Variants in SAP30 observed in about 807,000 individuals in gnomAD.
SAP30 encodes Sin3A associated protein 30.
SAP30 carries 13 observed loss-of-function variants against 19.6 expected under a neutral mutation model. That is an observed-to-expected ratio of 0.66 (90% CI 0.43 to 1.05). SAP30 has a LOEUF of 1.05. SAP30 is among the 50% of genes least tolerant of loss of function. SAP30 has a pLI of 0.00. For missense variants in SAP30, 257 were observed against 292.1 expected, an observed-to-expected ratio of 0.88 and a Z score of 0.88; for synonymous variants, 108 against 122.7, an observed-to-expected ratio of 0.88 and a Z score of 0.79.
At chr4:173,372,924 A>G (rs916987064) in intron 1 of SAP30, among the ~76,000 whole-genome samples, 2 of 152,206 alleles carry the variant, frequency 1.3e-5, no homozygotes, top group Non-Finnish European at 2.9e-5. Flanking sequence ...CTGGGATTAC[A>G]GGCTACTGCC....
In SAP30 at chr4:173,371,621, G is replaced by C; in HGVS notation, c.315+124G>C. On this transcript the variant is annotated intron_variant, in intron 1 of 3. Coordinates refer to ENST00000296504, the MANE Select transcript of SAP30 (RefSeq NM_003864.4). The surrounding 1 kb of genome is among the most constrained non-coding windows in gnomAD (Gnocchi z 6.4). ...GCACTGGCTGCAGTGCGGTCTCGTG[G>C]AGTCTGTGTTTGGAAGCAAATAACA... 6.9e-7 allele frequency: 1 copy of C among 1,441,680 alleles called. No individual in the cohort carries two copies. The highest frequency in any genetic ancestry group is 9.1e-7 in the Non-Finnish European group (1 of 1,094,608). The allele number at this position is 1,441,680 out of a possible 1,614,324, so 89.3% of individuals were successfully genotyped here.
chr4:173,373,959 A>C lies in SAP30; in HGVS notation c.462A>C (p.Gln154His). The C allele has an allele frequency of 6.3e-7, 1 of 1,575,784 alleles. No homozygotes were observed. The highest frequency in any genetic ancestry group is 8.6e-7 in the Non-Finnish European group (1 of 1,158,410). The change falls in exon 3 of 4, where the codon CAA becomes CAC. Residue 154 changes from glutamine to histidine, a missense_variant. By Grantham distance (24) the Gln-to-His change is conservative. Transcript: ENST00000296504. ...DTPEVDLYQL[Q>H]VNTLRRYKRH... ...TCTAGGTTGATTTATACCAATTACA[A>C]GTAAATACACTTAGGAGATACAAAA...
chr4:173,371,513 G>T lies in SAP30; in HGVS notation c.315+16G>T. 1 of 1,578,740 alleles carries T rather than the reference G, an allele frequency of 6.3e-7. No individual in the cohort carries two copies. Among genetic ancestry groups the T allele is most frequent in the South Asian group, 1.1e-5 (1 of 90,718 alleles). ...GGATAAGAGCGTAAGTAAACCGCGG[G>T]ACCGCCCTGCCCTCCCGCCCCTCGG... On this transcript the variant is annotated intron_variant, in intron 1 of 3. Coordinates refer to ENST00000296504, the MANE Select transcript of SAP30 (RefSeq NM_003864.4). The surrounding 1 kb of genome is among the most constrained non-coding windows in gnomAD (Gnocchi z 6.4).
chr4:173,372,546 A>C (rs1238558202), intron 1 of SAP30, among the ~76,000 whole-genome samples: 1 of 152,218 alleles, frequency 6.6e-6, no homozygotes, highest in Non-Finnish European at 1.5e-5. Flanking sequence ...GTATAACTGA[A>C]ATTTAAATAT....
In SAP30 at chr4:173,371,147, G is replaced by A; in HGVS notation, c.-36G>A. ...GAGGCGGAGCGGCCAGGAGAGAGGG[G>A]ATTTCTGTCAGCGCCGGCCTCGGGA... On this transcript the variant is annotated 5_prime_UTR_variant, in exon 1 of 4. Transcript: ENST00000296504. The surrounding 1 kb of genome is among the most constrained non-coding windows in gnomAD (Gnocchi z 6.4). 4.2e-6 allele frequency: 6 copies of A among 1,442,602 alleles called. No individual in the cohort carries two copies. Among genetic ancestry groups the A allele is most frequent in the South Asian group, 1.2e-5 (1 of 81,828 alleles). The allele number at this position is 1,442,602 out of a possible 1,614,324, so 89.4% of individuals were successfully genotyped here. A position where few individuals can be genotyped will look rare whatever the true frequency, so the allele number is the denominator to read the frequency against.
At position 173,371,850 on chromosome 4, in the gene SAP30, G is replaced by A. The variant is rs574636772; in HGVS notation, c.315+353G>A. ...GCCCAGAGTAGTTTTCTTGCAGCCCGGCAGCTCTTCTGGAATGGAGGCGCC... is the reference window on the plus strand; with the variant it reads ...GCCCAGAGTAGTTTTCTTGCAGCCCAGCAGCTCTTCTGGAATGGAGGCGCC... On this transcript the variant is annotated intron_variant, in intron 1 of 3. Coordinates refer to ENST00000296504, the MANE Select transcript of SAP30 (RefSeq NM_003864.4). The surrounding 1 kb of genome is among the most constrained non-coding windows in gnomAD (Gnocchi z 6.4). 1.3e-5 allele frequency among the ~76,000 whole-genome samples: 2 copies of A among 152,314 alleles called. No individual in the cohort carries two copies. The highest frequency in any genetic ancestry group is 3.9e-4 in the East Asian group (2 of 5,180).
At chr4:173,374,078 C>A in intron 3 of SAP30, 41 bp downstream of exon 3, 2 of 1,098,632 alleles carry the variant, frequency 1.8e-6, no homozygotes, top group Non-Finnish European at 2.7e-6. Context: ...TCTGCACAAC[C>A]GAGAGGTTAT....
rs1363508188 is a variant in SAP30 at position 173,371,182 on chromosome 4, C to T, written c.-1C>T. 5 of 1,492,750 alleles carry T rather than the reference C, an allele frequency of 3.3e-6. No homozygotes were observed. The highest frequency in any genetic ancestry group is 3.5e-6 in the Non-Finnish European group (4 of 1,127,196). The allele number at this position is 1,492,750 out of a possible 1,614,324, so 92.5% of individuals were successfully genotyped here. A position where few individuals can be genotyped will look rare whatever the true frequency, so the allele number is the denominator to read the frequency against. ...AGCGCCGGCCTCGGGAGCTCGGAGA[C>T]ATGAACGGCTTCACGCCTGACGAGA... On this transcript the variant is annotated 5_prime_UTR_variant, in exon 1 of 4. Coordinates refer to ENST00000296504, the MANE Select transcript of SAP30 (RefSeq NM_003864.4). This position sits in a 1 kb window ranked among gnomAD's most constrained non-coding sequence, Gnocchi z 6.4.
At chr4:173,374,128 T>C in intron 3 of SAP30, 91 bp downstream of exon 3, 3 of 592,200 alleles carry the variant, frequency 5.1e-6, no homozygotes, top group East Asian at 6.1e-5. Context: ...TATGTAACAG[T>C]ACATTTTAAT....
intron 1 of SAP30, 130 bp from the exon 2 acceptor site, chr4:173,373,260 C>A (rs2126905007): frequency 6.0e-6 from 4 of 665,556 alleles, no homozygotes; most frequent in African/African-American, 3.7e-5. Context: ...TATAAATATT[C>A]CATTATCTTA....
chr4:173,373,271 A>G (rs1738979706), intron 1 of SAP30, 119 bp from the exon 2 acceptor site: 1 of 805,036 alleles, frequency 1.2e-6, no homozygotes, highest in African/African-American at 1.8e-5. Flanking sequence ...CATTATCTTA[A>G]CAATGGCCCA....
chr4:173,372,499 TTATAGA>T (rs1738959191), intron 1 of SAP30, among the ~76,000 whole-genome samples: 1 of 152,212 alleles, frequency 6.6e-6, no homozygotes, highest in Non-Finnish European at 1.5e-5. Flanking sequence ...GAAAAATGTG[TTATAGA>T]TAAATACATT....
In SAP30 at chr4:173,371,562, G is replaced by T; in HGVS notation, c.315+65G>T. Reference sequence around the variant, plus strand: ...GGTGGGGCCCCAGGAGCCGGGCAAAGGCACGGGTTGTCGGCGGGGTCCCCC... The same window carrying T: ...GGTGGGGCCCCAGGAGCCGGGCAAATGCACGGGTTGTCGGCGGGGTCCCCC... On this transcript the variant is annotated intron_variant, in intron 1 of 3. Transcript: ENST00000296504. The surrounding 1 kb of genome is among the most constrained non-coding windows in gnomAD (Gnocchi z 6.4). The T allele has an allele frequency of 6.5e-7, 1 of 1,539,456 alleles. No individual in the cohort carries two copies. The highest frequency in any genetic ancestry group is 8.7e-7 in the Non-Finnish European group (1 of 1,144,454).
rs1355339518 is a variant in SAP30 at position 173,371,117 on chromosome 4, G to T, written c.-66G>T. The T allele has an allele frequency of 1.4e-5, 19 of 1,387,718 alleles. No homozygotes were observed. The highest frequency in any genetic ancestry group is 9.4e-7 in the Non-Finnish European group (1 of 1,068,860). 86.0% of individuals were successfully genotyped at this position (1,387,718 alleles called of 1,614,324 possible). ...CAGAGTGAATTGCCGCTGCCGGAGCGGAGAGAGGCGGAGCGGCCAGGAGAG... is the reference window on the plus strand; with the variant it reads ...CAGAGTGAATTGCCGCTGCCGGAGCTGAGAGAGGCGGAGCGGCCAGGAGAG... On this transcript the variant is annotated 5_prime_UTR_variant, in exon 1 of 4. Transcript: ENST00000296504. This position sits in a 1 kb window ranked among gnomAD's most constrained non-coding sequence, Gnocchi z 6.4.
chr4:173,371,020 T>G lies in SAP30; in HGVS notation c.-163T>G. The stretch of plus-strand genomic sequence containing the variant: ...TCCCGGCCCTCAGCACTGTCCACTG[T>G]TTCGGTGCCAGCAGAGACCAGCAGG... On this transcript the variant is annotated 5_prime_UTR_variant, in exon 1 of 4. Coordinates refer to ENST00000296504, the MANE Select transcript of SAP30 (RefSeq NM_003864.4). This position sits in a 1 kb window ranked among gnomAD's most constrained non-coding sequence, Gnocchi z 6.4. 1.4e-6 allele frequency: 1 copy of G among 736,314 alleles called. No individual in the cohort carries two copies. Among genetic ancestry groups the G allele is most frequent in the Non-Finnish European group, 1.9e-6 (1 of 532,138 alleles). The allele number at this position is 736,314 out of a possible 1,614,324, so 45.6% of individuals were successfully genotyped here. A position where few individuals can be genotyped will look rare whatever the true frequency, so the allele number is the denominator to read the frequency against.
Position 173,371,565 on chromosome 4 carries a change from A to G in SAP30, c.315+68A>G. On this transcript the variant is annotated intron_variant, in intron 1 of 3. Coordinates refer to ENST00000296504, the MANE Select transcript of SAP30 (RefSeq NM_003864.4). This position sits in a 1 kb window ranked among gnomAD's most constrained non-coding sequence, Gnocchi z 6.4. ...GGGGCCCCAGGAGCCGGGCAAAGGC[A>G]CGGGTTGTCGGCGGGGTCCCCCAGA... The G allele has an allele frequency of 6.5e-7, 1 of 1,535,454 alleles. No homozygotes were observed. Among genetic ancestry groups the G allele is most frequent in the Non-Finnish European group, 8.8e-7 (1 of 1,142,020 alleles).
Position 173,371,783 on chromosome 4 carries a change from C to T in SAP30, c.315+286C>T, listed in dbSNP as rs1485524442. 6.6e-6 allele frequency among the ~76,000 whole-genome samples: 1 copy of T among 152,154 alleles called. No individual in the cohort carries two copies. Among genetic ancestry groups the T allele is most frequent in the Admixed American group, 6.5e-5 (1 of 15,282 alleles). Reference sequence around the variant, plus strand: ...CGCAGTCTTCCCTCTTCCTTCTCCTCTGCGACCGGGACACGAAACAAAGGG... The same window carrying T: ...CGCAGTCTTCCCTCTTCCTTCTCCTTTGCGACCGGGACACGAAACAAAGGG... On this transcript the variant is annotated intron_variant, in intron 1 of 3. Transcript: ENST00000296504. This position sits in a 1 kb window ranked among gnomAD's most constrained non-coding sequence, Gnocchi z 6.4.
At position 173,371,137 on chromosome 4, in the gene SAP30, G is replaced by A; in HGVS notation, c.-46G>A. ...GGAGCGGAGAGAGGCGGAGCGGCCA[G>A]GAGAGAGGGGATTTCTGTCAGCGCC... is the stretch of plus-strand genomic sequence containing the variant. On this transcript the variant is annotated 5_prime_UTR_variant, in exon 1 of 4. Transcript: ENST00000296504. This position sits in a 1 kb window ranked among gnomAD's most constrained non-coding sequence, Gnocchi z 6.4. 7.0e-7 allele frequency: 1 copy of A among 1,436,500 alleles called. No homozygotes were observed. The highest frequency in any genetic ancestry group is 9.1e-7 in the Non-Finnish European group (1 of 1,093,554). 89.0% of individuals were successfully genotyped at this position (1,436,500 alleles called of 1,614,324 possible).
At position 173,377,197 on chromosome 4, in the gene SAP30, C is replaced by A; in HGVS notation, c.541-8C>A. On this transcript the variant is annotated splice_polypyrimidine_tract_variant and splice_region_variant and intron_variant, in intron 3 of 3. Transcript: ENST00000296504. ...ATTTAATTTCCTTAATTTTTCTTTT[C>A]TTTGTAGATAGTTGGTTGCCACTTT... 3 of 1,555,898 alleles carry A rather than the reference C, an allele frequency of 1.9e-6. No homozygotes were observed. Among genetic ancestry groups the A allele is most frequent in the South Asian group, 2.5e-5 (2 of 81,570 alleles).
Sources: gnomAD v4.1 joint callset for allele counts (sites outside exome capture counted in the v4.1 genomes callset) on GRCh38, gnomAD v4.1.1 for gene constraint, Gnocchi (gnomAD v3.1) non-coding constraint, MANE v1.5 for transcripts, NCBI Gene and HGNC (gene_info 2026-07-23, HGNC 2026-07-21) for gene names.